PPM1B: variants seen among roughly 807,000 people sequenced by gnomAD.
PPM1B encodes the protein protein phosphatase, Mg2+/Mn2+ dependent 1B.
A neutral mutation model predicts 43.0 loss-of-function variants in PPM1B; 22 were observed. That is an observed-to-expected ratio of 0.51 (90% CI 0.37 to 0.73). PPM1B has a LOEUF of 0.73. Ranked by LOEUF, PPM1B falls within the 30% of genes least tolerant of loss-of-function variation. The pLI is 0.00. For missense variants in PPM1B, 632 were observed against 584.2 expected (o/e 1.08, Z -0.84); for synonymous variants, 217 against 197.9 (o/e 1.10, Z -0.81).
chr2:44,209,574 C>T (rs1361327261), intron 3 of PPM1B: 5 of 356,690 alleles, frequency 1.4e-5, no homozygotes, highest in African/African-American at 4.2e-5. Flanking sequence ...GAGGTCAGAT[C>T]GACACCATCC....
At chr2:44,195,833 C>A (rs1668636121) in intron 1 of PPM1B, among the ~76,000 whole-genome samples, 2 of 152,100 alleles carry the variant, frequency 1.3e-5, no homozygotes, top group Non-Finnish European at 2.9e-5. Flanking sequence ...TCAGAAAATA[C>A]CATGTAGCTC....
intron 1 of PPM1B, among the ~76,000 whole-genome samples, chr2:44,184,020 G>T (rs1023690156): frequency 6.6e-6 from 1 of 152,246 alleles, no homozygotes; most frequent in Non-Finnish European, 1.5e-5. Context: ...TTACAGGCGT[G>T]AGCCACTGTG....
intron 5 of PPM1B, among the ~76,000 whole-genome samples, chr2:44,221,909 G>A (rs974295411): frequency 6.6e-6 from 1 of 151,980 alleles, no homozygotes; most frequent in Non-Finnish European, 1.5e-5. Flanking sequence ...TTTAGTATGT[G>A]TTCCATACTA....
chr2:44,184,327 G>T (rs1668023985), intron 1 of PPM1B, among the ~76,000 whole-genome samples: 1 of 152,038 alleles, frequency 6.6e-6, no homozygotes, highest in African/African-American at 2.4e-5. Context: ...ATTTTTCTTT[G>T]TTGTCAGGGG....
At chr2:44,181,831 A>G (rs1248946521) in intron 1 of PPM1B, among the ~76,000 whole-genome samples, 1 of 152,238 alleles carries the variant, frequency 6.6e-6, no homozygotes, top group East Asian at 1.9e-4. Flanking sequence ...GTGTAGACAT[A>G]GCTTAAGCCA....
chr2:44,184,844 C>G (rs1450145370), intron 1 of PPM1B, among the ~76,000 whole-genome samples: 1 of 151,436 alleles, frequency 6.6e-6, no homozygotes, highest in Non-Finnish European at 1.5e-5. Flanking sequence ...TGTAGTATAG[C>G]AATACTTTTT....
chr2:44,184,059 G>C (rs974187168), intron 1 of PPM1B, among the ~76,000 whole-genome samples: 2 of 152,206 alleles, frequency 1.3e-5, no homozygotes, highest in African/African-American at 4.8e-5. Context: ...TTTACCACTT[G>C]ATAGTTGTGT....
intron 1 of PPM1B, among the ~76,000 whole-genome samples, chr2:44,197,798 T>C (rs190096619): frequency 6.6e-6 from 1 of 152,346 alleles, no homozygotes; most frequent in Non-Finnish European, 1.5e-5. Flanking sequence ...TAAATAGTGC[T>C]AACCTTACTA....
chr2:44,173,376 CTT>C (rs1667440988), intron 1 of PPM1B, among the ~76,000 whole-genome samples: 1 of 152,076 alleles, frequency 6.6e-6, no homozygotes, highest in Admixed American at 6.5e-5. Flanking sequence ...TGTACAATAA[CTT>C]ATATACTTTT....
At chr2:44,211,470 A>T (rs1339712031) in intron 3 of PPM1B, among the ~76,000 whole-genome samples, 2 of 152,176 alleles carry the variant, frequency 1.3e-5, no homozygotes, top group Non-Finnish European at 2.9e-5. Flanking sequence ...TCAGTGCATC[A>T]CAATCAGGGA....
chr2:44,223,121 T>G (rs1349754180), intron 5 of PPM1B, among the ~76,000 whole-genome samples: 1 of 152,184 alleles, frequency 6.6e-6, no homozygotes, highest in East Asian at 1.9e-4. Context: ...CGTGAGCCAC[T>G]GCATCCAACC....
chr2:44,204,852 C>G (rs932925258), intron 2 of PPM1B, among the ~76,000 whole-genome samples: 1 of 127,926 alleles, frequency 7.8e-6, no homozygotes, highest in Admixed American at 8.0e-5. Context: ...GAGCGAGACT[C>G]CGTCTCAAAA....
chr2:44,204,327 A>G (rs1323928473), intron 2 of PPM1B, among the ~76,000 whole-genome samples: 1 of 152,250 alleles, frequency 6.6e-6, no homozygotes, highest in Admixed American at 6.5e-5. Flanking sequence ...GTAAGTTAAA[A>G]ATTCATGGAA....
chr2:44,242,138 G>A (rs1313284460), intron 5 of PPM1B, among the ~76,000 whole-genome samples: 2 of 151,848 alleles, frequency 1.3e-5, no homozygotes, highest in Admixed American at 6.6e-5. Context: ...GATTACAGGC[G>A]TGAGCCACCA....
chr2:44,203,184 A>G (rs1274061034), intron 2 of PPM1B, among the ~76,000 whole-genome samples: 1 of 152,178 alleles, frequency 6.6e-6, no homozygotes, highest in Admixed American at 6.5e-5. Context: ...AAAACAGAAG[A>G]TTTAAAGGCC....
chr2:44,169,768 C>T (rs1160443532), intron 1 of PPM1B, among the ~76,000 whole-genome samples: 1 of 152,218 alleles, frequency 6.6e-6, no homozygotes, highest in African/African-American at 2.4e-5. Flanking sequence ...ATGCGTTCTA[C>T]CCTCGCCTTC....
rs1320356913 is a variant in PPM1B, at chr2:44,201,831, A to G, written c.632A>G (p.Asp211Gly). 6.2e-7 allele frequency: 1 copy of G among 1,614,188 alleles called. No homozygotes were observed. Among genetic ancestry groups the G allele is most frequent in the South Asian group, 1.1e-5 (1 of 91,084 alleles). Residue 211 changes from aspartate to glycine, a missense_variant, in exon 2 of 6, where the codon GAT becomes GGT. Physicochemically the swap from Asp to Gly is moderately conservative, Grantham distance 94 (BLOSUM62 -1). Coordinates refer to ENST00000282412, the MANE Select transcript of PPM1B (RefSeq NM_002706.6). The surrounding 1 kb of genome is among the most constrained non-coding windows in gnomAD (Gnocchi z 5.4). The part of the protein sequence containing the change: ...ALGDYDYKCV[D>G]GKGPTEQLVS... ...GGGGACTATGATTACAAGTGTGTTG[A>G]TGGCAAGGGCCCAACAGAACAACTT...
chr2:44,178,476 T>TA (rs1558388239), intron 1 of PPM1B, among the ~76,000 whole-genome samples: 535 of 24,438 alleles, frequency 0.022, 1 homozygote, highest in African/African-American at 0.035. Context: ...ATATATATAT[T>TA]TTTTTTTTTA....
At position 44,201,063 on chromosome 2, in the gene PPM1B, C is replaced by G; in HGVS notation, c.-14-123C>G. ...AATTTCTTGGGCTTTTGTTGTTGCT[C>G]CCGTAAATTAGGATAATACTAAAAA... On this transcript the variant is annotated intron_variant, in intron 1 of 5. Transcript: ENST00000282412. The surrounding 1 kb of genome is among the most constrained non-coding windows in gnomAD (Gnocchi z 5.4). The G allele has an allele frequency of 9.6e-7, 1 of 1,039,552 alleles. No individual in the cohort carries two copies. Among genetic ancestry groups the G allele is most frequent in the Non-Finnish European group, 1.3e-6 (1 of 749,846 alleles). The allele number at this position is 1,039,552 out of a possible 1,614,324, so 64.4% of individuals were successfully genotyped here.
Sources: gnomAD v4.1 joint callset for allele counts (sites outside exome capture counted in the v4.1 genomes callset) on GRCh38, gnomAD v4.1.1 for gene constraint, Gnocchi (gnomAD v3.1) non-coding constraint, MANE v1.5 for transcripts, NCBI Gene and HGNC (gene_info 2026-07-23, HGNC 2026-07-21) for gene names.